CEP126: variants seen among roughly 807,000 people sequenced by gnomAD.
CEP126 encodes centrosomal protein of 126 kDa.
In CEP126, 74 loss-of-function variants were observed where a neutral mutation model predicts 107.8. The ratio of observed to expected loss-of-function variants is 0.69; its 90% CI spans 0.57 to 0.83. The LOEUF (loss-of-function observed/expected upper bound fraction) is 0.83. Among genes scored for constraint, CEP126 ranks in the 40% least tolerant of loss-of-function variants. The probability of loss-of-function intolerance (pLI) is 0.00; values close to 1 mark genes in which losing one functional copy is unlikely to be tolerated. For missense variants in CEP126, 1,237 were observed against 1,281.9 expected, an observed-to-expected ratio of 0.96 and a Z score of 0.53; for synonymous variants, 449 against 446.0, an observed-to-expected ratio of 1.01 and a Z score of -0.08.
chr11:101,919,058 T>C (rs981268239), intron 1 of CEP126, among the ~76,000 whole-genome samples: 16 of 152,214 alleles, frequency 1.1e-4, no homozygotes, highest in African/African-American at 3.4e-4. Context: ...CTTTGGAATT[T>C]TTCATGAAGG....
intron 4 of CEP126, among the ~76,000 whole-genome samples, chr11:101,957,111 G>A (rs1375776159): frequency 1.3e-5 from 2 of 152,112 alleles, no homozygotes; most frequent in South Asian, 4.1e-4. Context: ...TGCTCTCCCT[G>A]ATTAAATGTG....
intron 6 of CEP126, among the ~76,000 whole-genome samples, chr11:101,965,122 AGC>A (rs1049989152): frequency 2.0e-5 from 3 of 152,256 alleles, no homozygotes; most frequent in Non-Finnish European, 4.4e-5. Flanking sequence ...TGCCCTTACT[AGC>A]TGGTCGACTC....
intron 6 of CEP126, among the ~76,000 whole-genome samples, chr11:101,971,086 GC>G (rs1261570716): frequency 6.6e-6 from 1 of 152,004 alleles, no homozygotes; most frequent in Non-Finnish European, 1.5e-5. Context: ...TCCCATCTCA[GC>G]CCCCTCAGTA....
At chr11:101,987,152 T>G in intron 9 of CEP126, 111 bp downstream of exon 9, 1 of 695,254 alleles carries the variant, frequency 1.4e-6, no homozygotes, top group Non-Finnish European at 2.4e-6. Flanking sequence ...ATATCCATAT[T>G]ACCAACTACC....
At chr11:101,970,982 A>T (rs922450958) in intron 6 of CEP126, among the ~76,000 whole-genome samples, 4 of 151,902 alleles carry the variant, frequency 2.6e-5, no homozygotes, top group African/African-American at 9.7e-5. Context: ...TCTTCATTTT[A>T]TTTTTTTTCT....
At chr11:101,942,775 G>A (rs914161701) in intron 2 of CEP126, among the ~76,000 whole-genome samples, 1 of 151,748 alleles carries the variant, frequency 6.6e-6, no homozygotes, top group African/African-American at 2.4e-5. Flanking sequence ...ACATTTATTT[G>A]CATCTTTTTA....
chr11:101,935,947 G>A (rs10791544), intron 2 of CEP126, among the ~76,000 whole-genome samples: 81,381 of 151,804 alleles, frequency 0.54, 22,423 homozygotes, highest in East Asian at 0.78. Context: ...TCCTCAGTTG[G>A]GAACCACTTC....
Position 101,963,028 on chromosome 11 carries a change from A to G in CEP126, c.1993A>G (p.Ile665Val), listed in dbSNP as rs1188102537. 2 of 1,614,018 alleles carry G rather than the reference A, an allele frequency of 1.2e-6. No homozygotes were observed. Among genetic ancestry groups the G allele is most frequent in the African/African-American group, 2.7e-5 (2 of 75,048 alleles). Residue 665 changes from isoleucine (I) to valine (V), a missense_variant, in exon 6 of 11, where the codon ATT becomes GTT. Physicochemically the swap from Ile to Val is conservative, Grantham distance 29. Coordinates refer to ENST00000263468, the MANE Select transcript of CEP126 (RefSeq NM_020802.4). ...TTQQHSQQFHIQSGAGSNIIS... is the reference protein window; with the variant it reads ...TTQQHSQQFHVQSGAGSNIIS... ...TCAACAGCATTCTCAACAATTCCAC[A>G]TTCAAAGTGGTGCTGGAAGCAACAT...
At chr11:101,942,354 A>G (rs1940677033) in intron 2 of CEP126, among the ~76,000 whole-genome samples, 1 of 152,002 alleles carries the variant, frequency 6.6e-6, no homozygotes, top group Non-Finnish European at 1.5e-5. Flanking sequence ...CAGATATCCA[A>G]CACCATTTTC....
chr11:101,969,430 T>G (rs1941098437), intron 6 of CEP126, among the ~76,000 whole-genome samples: 1 of 152,098 alleles, frequency 6.6e-6, no homozygotes, highest in Non-Finnish European at 1.5e-5. Context: ...TTGAGAGAAC[T>G]TAAAAGAGGC....
chr11:101,939,374 T>C (rs1425974925), intron 2 of CEP126, among the ~76,000 whole-genome samples: 1 of 152,208 alleles, frequency 6.6e-6, no homozygotes, highest in African/African-American at 2.4e-5. Context: ...CCAATATTAA[T>C]AACACTCTAA....
At chr11:101,931,475 G>A (rs1454335199) in intron 2 of CEP126, among the ~76,000 whole-genome samples, 1 of 151,818 alleles carries the variant, frequency 6.6e-6, no homozygotes, top group East Asian at 1.9e-4. Flanking sequence ...AGATTATTGG[G>A]TTTAGTTCTA....
chr11:101,959,081 AGCCT>A (rs1252392373), intron 5 of CEP126, among the ~76,000 whole-genome samples: 2 of 152,214 alleles, frequency 1.3e-5, no homozygotes, highest in African/African-American at 4.8e-5. Context: ...TGCCTGAATA[AGCCT>A]TAAAAAGATC....
chr11:101,981,748 C>G (rs1335943544), intron 7 of CEP126, 141 bp from the exon 8 acceptor site: 11 of 527,086 alleles, frequency 2.1e-5, no homozygotes, highest in Middle Eastern at 5.1e-4. Flanking sequence ...GTATTCAGCT[C>G]TAAAAAATGT....
chr11:101,984,347 T>C (rs945560457), intron 8 of CEP126, among the ~76,000 whole-genome samples: 11 of 152,210 alleles, frequency 7.2e-5, no homozygotes, highest in Non-Finnish European at 1.6e-4. Context: ...AGGTAGTGAC[T>C]GAAGGATTCT....
At chr11:101,950,714 A>G (rs952548497) in intron 4 of CEP126, among the ~76,000 whole-genome samples, 1 of 152,224 alleles carries the variant, frequency 6.6e-6, no homozygotes, top group Non-Finnish European at 1.5e-5. Flanking sequence ...TGTGAAAGGC[A>G]TAGACCCCTG....
rs1940999905 is a variant in CEP126 at position 101,962,907 on chromosome 11, A to G, written c.1872A>G (p.Pro624=). The G allele has an allele frequency of 1.2e-6, 2 of 1,609,738 alleles. No individual in the cohort carries two copies. Among genetic ancestry groups the G allele is most frequent in the Admixed American group, 1.7e-5 (1 of 59,196 alleles). The change falls in exon 6 of 11, where the codon CCA becomes CCG. Residue 624 remains proline, a synonymous_variant. Transcript: ENST00000263468. ...ELTKEKGAEI[P]KTIKKLRWFD... Reference sequence around the variant, plus strand: ...CAAAGGAAAAAGGTGCAGAAATTCCAAAGACCATTAAAAAACTGAGGTGGT... The same window carrying G: ...CAAAGGAAAAAGGTGCAGAAATTCCGAAGACCATTAAAAAACTGAGGTGGT...
At chr11:101,916,231 C>CT (rs1940209361) in intron 1 of CEP126, 1 of 152,200 alleles carries the variant, frequency 6.6e-6, no homozygotes, top group Non-Finnish European at 1.5e-5. Context: ...CAAGTTAACT[C>CT]TGTTTTCTTA....
intron 4 of CEP126, among the ~76,000 whole-genome samples, chr11:101,954,607 G>T (rs1357960979): frequency 6.6e-6 from 1 of 151,638 alleles, no homozygotes; most frequent in East Asian, 1.9e-4. Flanking sequence ...TTGACTTCAT[G>T]ATATCTATAT....
Sources: gnomAD v4.1 joint callset for allele counts (sites outside exome capture counted in the v4.1 genomes callset) on GRCh38, gnomAD v4.1.1 for gene constraint, MANE v1.5 for transcripts, NCBI Gene and HGNC (gene_info 2026-07-23, HGNC 2026-07-21) for gene names.